CORIN: variants seen among roughly 807,000 people sequenced by gnomAD.
CORIN encodes the protein corin, serine peptidase.
Under a neutral mutation model 125.3 loss-of-function variants are expected in CORIN, and 117 were observed. That is an observed-to-expected ratio of 0.93 (90% CI 0.80 to 1.09). CORIN has a LOEUF of 1.09. Among genes scored for constraint, CORIN ranks in the 50% least tolerant of loss-of-function variants. CORIN has a pLI of 0.00. For synonymous variants in CORIN, 450 were observed against 466.4 expected (o/e 0.96, Z 0.45); for missense variants, 1,253 against 1,306.7 (o/e 0.96, Z 0.63).
At chr4:47,706,798 C>A in intron 5 of CORIN, 1 of 1,598,130 alleles carries the variant, frequency 6.3e-7, no homozygotes, top group Non-Finnish European at 8.5e-7. Context: ...ATAAAGCTAT[C>A]AGAAGAAATC....
intron 1 of CORIN, among the ~76,000 whole-genome samples, chr4:47,822,598 A>C (rs1732565853): frequency 1.3e-5 from 2 of 152,120 alleles, no homozygotes; most frequent in African/African-American, 4.8e-5. Flanking sequence ...AATGTTCCTC[A>C]GTTGTGGTTT....
chr4:47,817,283 T>TATATATAACAAAATATATATATATATA (rs1732313403), intron 1 of CORIN, among the ~76,000 whole-genome samples: 1 of 117,208 alleles, frequency 8.5e-6, no homozygotes, highest in Non-Finnish European at 1.7e-5. Flanking sequence ...ACTAACTATA[T>TATATATAACAAAATATATATATATATA]ATATATAACA....
intron 6 of CORIN, among the ~76,000 whole-genome samples, chr4:47,687,594 C>A (rs986109531): frequency 2.6e-5 from 4 of 152,132 alleles, no homozygotes; most frequent in African/African-American, 9.7e-5. Flanking sequence ...TAAATTAGAG[C>A]AGAAAACTAA....
intron 5 of CORIN, among the ~76,000 whole-genome samples, chr4:47,702,411 T>C (rs1726342242): frequency 6.6e-6 from 1 of 152,164 alleles, no homozygotes; most frequent in South Asian, 2.1e-4. Flanking sequence ...TATATTAGTA[T>C]TTTTTCTAGA....
chr4:47,691,920 AT>A (rs998882907), intron 6 of CORIN, among the ~76,000 whole-genome samples: 7 of 152,308 alleles, frequency 4.6e-5, no homozygotes, highest in African/African-American at 1.7e-4. Flanking sequence ...GACCAGAAGA[AT>A]TTTTTGATTA....
intron 1 of CORIN, among the ~76,000 whole-genome samples, chr4:47,833,778 T>C (rs1187559465): frequency 6.6e-6 from 1 of 151,996 alleles, no homozygotes; most frequent in Non-Finnish European, 1.5e-5. Context: ...AAAGAAGACA[T>C]AAAAATGGCC....
chr4:47,701,282 C>G (rs1247425708), intron 5 of CORIN, among the ~76,000 whole-genome samples: 1 of 152,174 alleles, frequency 6.6e-6, no homozygotes, highest in Non-Finnish European at 1.5e-5. Flanking sequence ...GAGAAACTGT[C>G]TCTGTCAAAC....
At chr4:47,624,772 A>G (rs1722481792) in intron 17 of CORIN, among the ~76,000 whole-genome samples, 1 of 152,152 alleles carries the variant, frequency 6.6e-6, no homozygotes, top group Non-Finnish European at 1.5e-5. Context: ...TCCAACCATG[A>G]AACATTTACA....
chr4:47,643,341 C>G, intron 14 of CORIN, 85 bp from the exon 15 acceptor site: 1 of 1,264,684 alleles, frequency 7.9e-7, no homozygotes, highest in East Asian at 2.4e-5. Context: ...CATGTGCCAG[C>G]AGGAGCATGG....
At chr4:47,793,019 G>T (rs1731145159) in intron 2 of CORIN, among the ~76,000 whole-genome samples, 1 of 152,014 alleles carries the variant, frequency 6.6e-6, no homozygotes, top group Non-Finnish European at 1.5e-5. Flanking sequence ...AAATAGATTT[G>T]TAGAAGCCTG....
chr4:47,609,127 C>A (rs1394019480), intron 19 of CORIN, among the ~76,000 whole-genome samples: 1 of 152,088 alleles, frequency 6.6e-6, no homozygotes, highest in African/African-American at 2.4e-5. Context: ...TGAAGGTTAC[C>A]AAATCTGCAC....
chr4:47,762,656 T>A (rs748940361), intron 4 of CORIN, among the ~76,000 whole-genome samples: 4 of 152,194 alleles, frequency 2.6e-5, no homozygotes, highest in Non-Finnish European at 5.9e-5. Context: ...TGCTTTAAAG[T>A]ATAAGATTTG....
chr4:47,651,368 T>A (rs1723723899), intron 13 of CORIN, among the ~76,000 whole-genome samples: 1 of 152,256 alleles, frequency 6.6e-6, no homozygotes, highest in Non-Finnish European at 1.5e-5. Context: ...GGTGTGCCTA[T>A]GCACATACGA....
At chr4:47,750,717 G>A (rs1179719003) in intron 4 of CORIN, among the ~76,000 whole-genome samples, 4 of 152,146 alleles carry the variant, frequency 2.6e-5, no homozygotes, top group Admixed American at 2.6e-4. Flanking sequence ...GAAACCAGGG[G>A]ATCACTACCC....
At chr4:47,704,920 G>A (rs1236014752) in intron 5 of CORIN, among the ~76,000 whole-genome samples, 2 of 152,146 alleles carry the variant, frequency 1.3e-5, no homozygotes, top group Non-Finnish European at 1.5e-5. Context: ...TACTCAGCAC[G>A]TAGTCGCTGT....
At chr4:47,638,913 C>G (rs1234258650) in intron 16 of CORIN, among the ~76,000 whole-genome samples, 1 of 152,162 alleles carries the variant, frequency 6.6e-6, no homozygotes, top group Admixed American at 6.5e-5. Context: ...TCTAGACAAG[C>G]ACTGAGTTGA....
chr4:47,807,830 A>G (rs1731860932), intron 1 of CORIN, among the ~76,000 whole-genome samples: 1 of 152,242 alleles, frequency 6.6e-6, no homozygotes, highest in African/African-American at 2.4e-5. Context: ...GTGACTTCAA[A>G]AAAACATCTG....
At chr4:47,637,197 T>C (rs1216294431) in intron 16 of CORIN, among the ~76,000 whole-genome samples, 2 of 152,210 alleles carry the variant, frequency 1.3e-5, no homozygotes, top group Non-Finnish European at 2.9e-5. Flanking sequence ...GTAGAAGACA[T>C]TTCTAAGCAG....
At position 47,623,117 on chromosome 4, in the gene CORIN, T is replaced by TATATACAC. The variant is rs141525347; in HGVS notation, c.2540+453_2540+454insGTGTATAT. Among the ~76,000 whole-genome samples the TATATACAC allele has an allele frequency of 7.0e-3, 943 of 134,298 alleles. 17 individuals carry two copies. The highest frequency in any genetic ancestry group is 0.027 in the African/African-American group (880 of 32,204). 88.1% of individuals were successfully genotyped at this position (134,298 alleles called of 152,430 possible). ...CTCTCTATATATATATATATATATA[T>TATATACAC]ACACACACACACACACTCTCTCTGA... On this transcript the variant is annotated intron_variant, in intron 19 of 21. Transcript: ENST00000273857.
Sources: gnomAD v4.1 joint callset for allele counts (sites outside exome capture counted in the v4.1 genomes callset) on GRCh38, gnomAD v4.1.1 for gene constraint, MANE v1.5 for transcripts, NCBI Gene and HGNC (gene_info 2026-07-23, HGNC 2026-07-21) for gene names.